Variants in GABRR1 observed in about 807,000 individuals in gnomAD.
GABRR1 encodes the protein gamma-aminobutyric acid receptor subunit rho-1.
In GABRR1, 59 loss-of-function variants were observed where a neutral mutation model predicts 55.5. That is an observed-to-expected ratio of 1.06 (90% CI 0.86 to 1.32). GABRR1 has a LOEUF of 1.32. Among genes scored for constraint, GABRR1 ranks in the 40% most tolerant of loss-of-function variants. The pLI, the probability that GABRR1 is intolerant of heterozygous loss-of-function variation, is 0.00. For missense variants in GABRR1, 602 were observed against 619.1 expected, an observed-to-expected ratio of 0.97 and a Z score of 0.29; for synonymous variants, 213 against 226.0, an observed-to-expected ratio of 0.94 and a Z score of 0.51.
chr6:89,219,180 C>T (rs1436950093), upstream of GABRR1, among the ~76,000 whole-genome samples: 2 of 152,128 alleles, frequency 1.3e-5, no homozygotes, highest in African/African-American at 2.4e-5. Context: ...ACAGGAGAAT[C>T]GCTTGAACCT....
At position 89,183,146 on chromosome 6, in the gene GABRR1, G is replaced by GAAAAAAAAAAAGAC. The variant is rs1306065860; in HGVS notation, c.797-1103_797-1090dup. Among the ~76,000 whole-genome samples, 4 of 128,568 alleles carry GAAAAAAAAAAAGAC rather than the reference G, an allele frequency of 3.1e-5. No individual in the cohort carries two copies. In the East Asian group the frequency reaches 8.8e-4, roughly 28 times the overall value. The allele number at this position is 128,568 out of a possible 152,430, so 84.3% of individuals were successfully genotyped here. A position where few individuals can be genotyped will look rare whatever the true frequency, so the allele number is the denominator to read the frequency against. On this transcript the variant is annotated intron_variant, in intron 7 of 9. Transcript: ENST00000454853. ...AGTTGAAGAGAAAGGGAGGATGATG[G>GAAAAAAAAAAAGAC]AAAAAAAAAAAGACAAAAAAAAAAA...
chr6:89,184,040 G>C (rs1283095499), intron 7 of GABRR1, among the ~76,000 whole-genome samples: 1 of 152,102 alleles, frequency 6.6e-6, no homozygotes, highest in African/African-American at 2.4e-5. Context: ...AAGAGTTCAA[G>C]ACCAGCCTGG....
At position 89,203,149 on chromosome 6, in the gene GABRR1, T is replaced by C. The variant is rs1772531038; in HGVS notation, c.173+286A>G. Among the ~76,000 whole-genome samples, 2 of 152,170 alleles carry C rather than the reference T, an allele frequency of 1.3e-5. 1 individual carries two copies. The highest frequency in any genetic ancestry group is 4.1e-4 in the South Asian group (2 of 4,834). ...AAAGGAGGTGGCCCAGGGAAAGAATTGGAACCAGTGAGCTGCTTACAGATA... is the reference window on the plus strand; with the variant it reads ...AAAGGAGGTGGCCCAGGGAAAGAATCGGAACCAGTGAGCTGCTTACAGATA... On this transcript the variant is annotated intron_variant, in intron 2 of 9. Transcript: ENST00000454853.
chr6:89,190,689 A>G (rs1772059492), intron 5 of GABRR1, among the ~76,000 whole-genome samples: 1 of 152,208 alleles, frequency 6.6e-6, no homozygotes, highest in Non-Finnish European at 1.5e-5. Context: ...CACTTACCCC[A>G]GTTGCCAAGC....
chr6:89,178,520 T>C lies in GABRR1; in HGVS notation c.*250A>G. The C allele has an allele frequency of 2.0e-6, 1 of 492,118 alleles. No homozygotes were observed. Among genetic ancestry groups the C allele is most frequent in the Non-Finnish European group, 3.7e-6 (1 of 272,522 alleles). The allele number at this position is 492,118 out of a possible 1,614,324, so 30.5% of individuals were successfully genotyped here. A position where few individuals can be genotyped will look rare whatever the true frequency, so the allele number is the denominator to read the frequency against. On this transcript the variant is annotated 3_prime_UTR_variant, in exon 10 of 10. Transcript: ENST00000454853. The stretch of plus-strand genomic sequence containing the variant: ...CAGGGGATCTGGGTAACAACTAACA[T>C]CAGTCGCTACAGTGTCGTATTTCCT...
At chr6:89,213,443 TA>T in intron 1 of GABRR1, among the ~76,000 whole-genome samples, 1 of 152,368 alleles carries the variant, frequency 6.6e-6, no homozygotes, top group South Asian at 2.1e-4. Context: ...TTTGCCCGCA[TA>T]TATCTGGAGC....
chr6:89,201,969 G>A (rs1363390647), intron 2 of GABRR1, among the ~76,000 whole-genome samples: 1 of 152,058 alleles, frequency 6.6e-6, no homozygotes, highest in Non-Finnish European at 1.5e-5. Flanking sequence ...GCCTTTTGAG[G>A]GGTTTTGAGC....
chr6:89,185,848 A>G (rs1771885275), intron 6 of GABRR1, among the ~76,000 whole-genome samples: 1 of 152,204 alleles, frequency 6.6e-6, no homozygotes, highest in African/African-American at 2.4e-5. Context: ...TTCTTCTTTC[A>G]AAGTGTGGCG....
intron 1 of GABRR1, among the ~76,000 whole-genome samples, chr6:89,224,622 G>C (rs764702646): frequency 6.6e-6 from 1 of 152,214 alleles, no homozygotes; most frequent in Non-Finnish European, 1.5e-5. Context: ...TCTGTGGGTT[G>C]TCTGTTTACT....
intron 1 of GABRR1, among the ~76,000 whole-genome samples, chr6:89,224,345 G>T (rs532207408): frequency 6.6e-6 from 1 of 152,278 alleles, no homozygotes; most frequent in South Asian, 2.1e-4. Context: ...GCCTGCCTTG[G>T]CCTCCCAAAG....
Position 89,203,427 on chromosome 6 carries a change from G to A in GABRR1, c.173+8C>T, listed in dbSNP as rs764884681. ...TGCAGAACAGTGTGCACGTGCTTAT[G>A]GCCATACCTGACTTGCTTGTGGGCA... On this transcript the variant is annotated splice_region_variant and intron_variant, in intron 2 of 9. Transcript: ENST00000454853. 8 of 1,611,876 alleles carry A rather than the reference G, an allele frequency of 5.0e-6. No individual in the cohort carries two copies. In the East Asian group the frequency reaches 1.8e-4, roughly 36 times the overall value.
At chr6:89,224,755 A>G (rs1217989801) in intron 1 of GABRR1, among the ~76,000 whole-genome samples, 2 of 151,564 alleles carry the variant, frequency 1.3e-5, no homozygotes, top group Non-Finnish European at 2.9e-5. Context: ...GCCAATATGT[A>G]GAAGAGTTTT....
chr6:89,185,944 G>C (rs1311046992), intron 6 of GABRR1, among the ~76,000 whole-genome samples: 1 of 151,862 alleles, frequency 6.6e-6, no homozygotes, highest in East Asian at 1.9e-4. Context: ...AAAGAGACGG[G>C]AGTGGAACAA....
intron 1 of GABRR1, chr6:89,204,783 C>G: frequency 3.6e-6 from 2 of 548,420 alleles, no homozygotes; most frequent in African/African-American, 2.0e-5. Flanking sequence ...TGTTTACATG[C>G]CCATGTAAAA....
chr6:89,201,223 C>T lies in GABRR1; in HGVS notation c.216G>A (p.Leu72=), dbSNP rs79395763. 20,459 of 1,614,104 alleles carry T rather than the reference C, an allele frequency of 0.013. 198 individuals carry two copies. Among genetic ancestry groups the T allele is most frequent in the Non-Finnish European group, 0.014 (17,029 of 1,179,956 alleles). ...RRSPDITKSP[L]TKSEQLLRID... ...TCCTCAGAAGCTGTTCTGACTTTGT[C>T]AGAGGCGATTTGGTGATGTCAGGAC... The change falls in exon 3 of 10, where the codon CTG becomes CTA. Residue 72 remains leucine, a synonymous_variant. Transcript: ENST00000454853.
Position 89,198,102 on chromosome 6 carries a change from T to A in GABRR1, c.490A>T (p.Lys164Ter). ...WVPDMFFVHS[K>*]RSFIHDTTTD... ...GTGGTGTCGTGGATGAAGGAGCGTT[T>A]GGAGTGCACGAAAAACATGTCAGGG... Residue 164 changes from lysine to a stop codon, truncating the protein, a stop_gained, in exon 5 of 10, where the codon AAA becomes TAA. Transcript: ENST00000454853. LOFTEE classifies it high-confidence loss of function. The A allele has an allele frequency of 6.2e-7, 1 of 1,614,144 alleles. No homozygotes were observed.
intron 1 of GABRR1, among the ~76,000 whole-genome samples, chr6:89,211,043 A>G (rs1309070568): frequency 6.6e-6 from 1 of 152,192 alleles, no homozygotes; most frequent in Non-Finnish European, 1.5e-5. Flanking sequence ...GCATGGGAGC[A>G]GCAGGTGCAG....
At chr6:89,179,144 G>A (rs1771638465) in intron 9 of GABRR1, 81 bp from the exon 10 acceptor site, 3 of 1,366,592 alleles carry the variant, frequency 2.2e-6, no homozygotes, top group Admixed American at 4.5e-5. Context: ...CATAGTGGAG[G>A]GTGTTGCCTG....
chr6:89,199,258 C>A lies in GABRR1; in HGVS notation c.348+104G>T, dbSNP rs547261363. 1.7e-4 allele frequency: 171 copies of A among 1,008,736 alleles called. No homozygotes were observed. In the African/African-American group the frequency reaches 2.2e-3, roughly 13 times the overall value. 62.5% of individuals were successfully genotyped at this position (1,008,736 alleles called of 1,614,324 possible). A position where few individuals can be genotyped will look rare whatever the true frequency, so the allele number is the denominator to read the frequency against. On this transcript the variant is annotated intron_variant, in intron 4 of 9. Coordinates refer to ENST00000454853, the MANE Select transcript of GABRR1 (RefSeq NM_002042.5). Reference sequence around the variant, plus strand: ...AAAGTAGTGTGGGGATTCCCACCGCCCAGGGCAGTTGTGAGACTAAGTGAA... The same window carrying A: ...AAAGTAGTGTGGGGATTCCCACCGCACAGGGCAGTTGTGAGACTAAGTGAA...
Sources: allele counts gnomAD v4.1 joint callset (sites outside exome capture counted in the v4.1 genomes callset), GRCh38; gene constraint gnomAD v4.1.1; transcripts MANE v1.5; gene names NCBI Gene and HGNC (gene_info 2026-07-23, HGNC 2026-07-21).